The following RBFA variants were observed in gnomAD, a reference collection of about 807,000 sequenced individuals.
The protein encoded by RBFA is ribosome binding factor A.
Under a neutral mutation model 27.9 loss-of-function variants are expected in RBFA, and 16 were observed. That is an observed-to-expected ratio of 0.57 (90% CI 0.39 to 0.87). The LOEUF is 0.87. RBFA is among the 40% of genes least tolerant of loss of function. The pLI is 0.00. For missense variants in RBFA, 456 were observed against 432.1 expected (o/e 1.06, Z -0.49); for synonymous variants, 181 against 181.0 (o/e 1.00, Z 0.00).
Position 80,046,472 on chromosome 18 carries a change from T to A in RBFA, c.*317T>A. ...AGCCCTGCCAGGTGCCAGTGAGTGCTTGGCCCGAGGGGTCAGGCCACAGCA... is the reference window on the plus strand; with the variant it reads ...AGCCCTGCCAGGTGCCAGTGAGTGCATGGCCCGAGGGGTCAGGCCACAGCA... On this transcript the variant is annotated 3_prime_UTR_variant, in exon 7 of 7. Transcript: ENST00000306735. 1 of 337,794 alleles carries A rather than the reference T, an allele frequency of 3.0e-6. No individual in the cohort carries two copies. Among genetic ancestry groups the A allele is most frequent in the Non-Finnish European group, 5.6e-6 (1 of 179,398 alleles). 20.9% of individuals were successfully genotyped at this position (337,794 alleles called of 1,614,324 possible).
intron 1 of RBFA, chr18:80,035,811 T>C (rs1052899710): frequency 7.9e-5 from 12 of 152,218 alleles, no homozygotes; most frequent in Admixed American, 3.9e-4. Context: ...AATCCCGTGT[T>C]ACTTAGTTTT....
At chr18:80,042,048 C>T in intron 4 of RBFA, 87 bp from the exon 5 acceptor site, 2 of 970,516 alleles carry the variant, frequency 2.1e-6, no homozygotes, top group Non-Finnish European at 3.0e-6. Flanking sequence ...CTCTTGGTTA[C>T]ATCTTGAATC....
intron 4 of RBFA, chr18:80,041,700 G>A (rs11081588): frequency 0.77 from 115,847 of 151,404 alleles, 45,027 homozygotes; most frequent in East Asian, 0.91. Flanking sequence ...TGAGTAATAC[G>A]ATAAATCTCA....
At chr18:80,034,730 TC>T (rs2051963874) in intron 1 of RBFA, 77 bp downstream of exon 1, 1 of 1,570,716 alleles carries the variant, frequency 6.4e-7, no homozygotes, top group African/African-American at 1.4e-5. Flanking sequence ...TGTCCGCTCA[TC>T]CGCGTTCTTG....
intron 3 of RBFA, 49 bp from the exon 4 acceptor site, chr18:80,038,456 G>GA (rs747086272): frequency 1.5e-6 from 2 of 1,295,542 alleles, no homozygotes; most frequent in African/African-American, 3.0e-5. Flanking sequence ...TGTTTGTCTT[G>GA]AAAACCCATG....
chr18:80,036,057 G>T (rs2051976925), intron 1 of RBFA: 1 of 152,194 alleles, frequency 6.6e-6, no homozygotes, highest in Non-Finnish European at 1.5e-5. Flanking sequence ...AGAAACCATG[G>T]GTGCTGGGTG....
At chr18:80,043,351 T>C (rs545146241) in intron 5 of RBFA, among the ~76,000 whole-genome samples, 71 of 152,376 alleles carry the variant, frequency 4.7e-4, no homozygotes, top group African/African-American at 1.5e-3. Context: ...ACTAAAAACA[T>C]TGTACAAGTA....
intron 5 of RBFA, among the ~76,000 whole-genome samples, chr18:80,043,378 C>T (rs899679093): frequency 9.2e-5 from 14 of 152,164 alleles, no homozygotes; most frequent in Admixed American, 4.6e-4. Flanking sequence ...TTGACAGATT[C>T]GTGATTTCCC....
intron 5 of RBFA, among the ~76,000 whole-genome samples, chr18:80,043,252 T>TC (rs1252619101): frequency 6.6e-6 from 1 of 152,208 alleles, no homozygotes; most frequent in Admixed American, 6.5e-5. Flanking sequence ...TAACTGTTGT[T>TC]CAGTATAGGA....
At chr18:80,040,614 T>C (rs1369720476) in intron 4 of RBFA, among the ~76,000 whole-genome samples, 1 of 152,180 alleles carries the variant, frequency 6.6e-6, no homozygotes, top group Non-Finnish European at 1.5e-5. Context: ...CTGTCTTCCA[T>C]GAAGCTGGCC....
chr18:80,042,255 A>T, intron 5 of RBFA, 36 bp downstream of exon 5: 1 of 1,432,756 alleles, frequency 7.0e-7, no homozygotes, highest in Non-Finnish European at 9.5e-7. Context: ...AAATTTAAAA[A>T]TTTTTATTTT....
At chr18:80,039,072 C>A (rs990625370) in intron 4 of RBFA, among the ~76,000 whole-genome samples, 4 of 152,224 alleles carry the variant, frequency 2.6e-5, no homozygotes, top group African/African-American at 7.2e-5. Context: ...CCCCGCAACT[C>A]GGGATGCCGA....
chr18:80,037,417 A>G lies in RBFA; in HGVS notation c.289A>G (p.Asn97Asp), dbSNP rs1314119887. Reference protein sequence around the residue: ...KEDHARLRALNGLLYKALTDL... With the variant: ...KEDHARLRALDGLLYKALTDL... Reference sequence around the variant, plus strand: ...AGACCATGCGCGCCTGAGGGCCCTGAACGGCCTCCTCTATAAGGCACTGAC... The same window carrying G: ...AGACCATGCGCGCCTGAGGGCCCTGGACGGCCTCCTCTATAAGGCACTGAC... Residue 97 changes from asparagine (N) to aspartate (D), a missense_variant, in exon 3 of 7, where the codon AAC becomes GAC. Transcript: ENST00000306735. 1 of 1,614,118 alleles carries G rather than the reference A, an allele frequency of 6.2e-7. No homozygotes were observed. The highest frequency in any genetic ancestry group is 1.7e-5 in the Admixed American group (1 of 60,028).
chr18:80,039,052 C>G (rs1312089628), intron 4 of RBFA, among the ~76,000 whole-genome samples: 1 of 152,248 alleles, frequency 6.6e-6, no homozygotes, highest in Non-Finnish European at 1.5e-5. Flanking sequence ...TGGTGCCTCT[C>G]ACCTGTAATC....
chr18:80,038,450 TG>T, intron 3 of RBFA, 54 bp from the exon 4 acceptor site: 1 of 924,550 alleles, frequency 1.1e-6, no homozygotes, highest in Non-Finnish European at 1.6e-6. Context: ...GGATGTTGTT[TG>T]TCTTGAAAAC....
chr18:80,045,645 G>A (rs2052046332), intron 6 of RBFA, 129 bp from the exon 7 acceptor site: 2 of 1,099,268 alleles, frequency 1.8e-6, no homozygotes, highest in East Asian at 2.7e-5. Flanking sequence ...GTTACCCTCA[G>A]ATAGACGTTT....
In RBFA at chr18:80,048,291, A is replaced by C. The variant is rs536207955; in HGVS notation, c.*2136A>C. Reference sequence around the variant, plus strand: ...GTAAAGACAGAGTCTGCCATGCAGGAGTGCTTCGCAGGTCAGGCACTGCTC... The same window carrying C: ...GTAAAGACAGAGTCTGCCATGCAGGCGTGCTTCGCAGGTCAGGCACTGCTC... On this transcript the variant is annotated 3_prime_UTR_variant, in exon 7 of 7. Coordinates refer to ENST00000306735, the MANE Select transcript of RBFA (RefSeq NM_024805.3). The C allele has an allele frequency of 1.3e-5, 2 of 152,520 alleles. No homozygotes were observed. The highest frequency in any genetic ancestry group is 3.9e-4 in the East Asian group (2 of 5,180). The allele number at this position is 152,520 out of a possible 1,614,324, so 9.4% of individuals were successfully genotyped here.
chr18:80,042,624 A>G (rs1253338795), intron 5 of RBFA, among the ~76,000 whole-genome samples: 1 of 152,084 alleles, frequency 6.6e-6, no homozygotes, highest in Non-Finnish European at 1.5e-5. Context: ...CAAAAAAATT[A>G]GCTAGGTGTG....
rs754713330 is a variant in RBFA at position 80,044,275 on chromosome 18, A to C, written c.640A>C (p.Asn214His). 6.2e-7 allele frequency: 1 copy of C among 1,614,040 alleles called. No individual in the cohort carries two copies. The highest frequency in any genetic ancestry group is 8.5e-7 in the Non-Finnish European group (1 of 1,179,898). Reference protein sequence around the residue: ...PRDERDNFVQNDFRDPDAPQP... With the variant: ...PRDERDNFVQHDFRDPDAPQP... ...GGATGAAAGAGACAACTTTGTACAAAATGATTTCAGGTGACGCATGTGGAC... is the reference window on the plus strand; with the variant it reads ...GGATGAAAGAGACAACTTTGTACAACATGATTTCAGGTGACGCATGTGGAC... Residue 214 changes from asparagine to histidine, a missense_variant, in exon 6 of 7, where the codon AAT becomes CAT. By Grantham distance (68) the Asn-to-His change is moderately conservative (BLOSUM62 1). Transcript: ENST00000306735.
Sources: gnomAD v4.1 joint callset for allele counts (sites outside exome capture counted in the v4.1 genomes callset) on GRCh38, gnomAD v4.1.1 for gene constraint, MANE v1.5 for transcripts, NCBI Gene and HGNC (gene_info 2026-07-23, HGNC 2026-07-21) for gene names.